SORCS2: variants seen among roughly 807,000 people sequenced by gnomAD.
SORCS2 encodes VPS10 domain-containing receptor SorCS2.
Under a neutral mutation model 141.6 loss-of-function variants are expected in SORCS2, and 100 were observed. The ratio of observed to expected loss-of-function variants is 0.71; its 90% confidence interval spans 0.60 to 0.83. SORCS2 has a LOEUF of 0.83. Ranked by LOEUF, SORCS2 falls within the 40% of genes least tolerant of loss-of-function variation. The pLI, the probability that SORCS2 is intolerant of heterozygous loss-of-function variation, is 0.00. For synonymous variants in SORCS2, 789 were observed against 676.9 expected, an observed-to-expected ratio of 1.17 and a Z score of -2.57; for missense variants, 1,646 against 1,560.2, an observed-to-expected ratio of 1.05 and a Z score of -0.93.
At chr4:7,656,878 C>G (rs1463990439) in intron 5 of SORCS2, among the ~76,000 whole-genome samples, 1 of 152,224 alleles carries the variant, frequency 6.6e-6, no homozygotes, top group African/African-American at 2.4e-5. Context: ...GAGCTGCCCT[C>G]AGCACAAATG....
intron 26 of SORCS2, among the ~76,000 whole-genome samples, chr4:7,737,809 C>G (rs558741175): frequency 6.6e-6 from 1 of 152,330 alleles, no homozygotes; most frequent in Admixed American, 6.5e-5. Flanking sequence ...TGCTCGCTGT[C>G]AGGGTCTCTC....
At chr4:7,384,383 G>C (rs2109076769) in intron 1 of SORCS2, among the ~76,000 whole-genome samples, 1 of 152,294 alleles carries the variant, frequency 6.6e-6, no homozygotes, top group African/African-American at 2.4e-5. Context: ...ACGAGAAGTG[G>C]CAGGTTTTCT....
At chr4:7,632,630 G>T (rs1343099820) in intron 3 of SORCS2, among the ~76,000 whole-genome samples, 2 of 152,208 alleles carry the variant, frequency 1.3e-5, no homozygotes, top group Non-Finnish European at 2.9e-5. Context: ...AGGGCCTAAT[G>T]GAGGGTGCGG....
intron 14 of SORCS2, among the ~76,000 whole-genome samples, chr4:7,712,110 G>A (rs1725858555): frequency 6.6e-6 from 1 of 152,118 alleles, no homozygotes; most frequent in Admixed American, 6.5e-5. Context: ...TCCCTATTCT[G>A]TCTTCCGCCT....
At chr4:7,426,634 G>A (rs142512509) in intron 2 of SORCS2, among the ~76,000 whole-genome samples, 26 of 152,236 alleles carry the variant, frequency 1.7e-4, no homozygotes, top group African/African-American at 5.8e-4. Context: ...TGGGTGTCTT[G>A]TGTGTGCCGG....
intron 14 of SORCS2, among the ~76,000 whole-genome samples, chr4:7,711,677 A>G (rs988599797): frequency 6.6e-6 from 1 of 152,260 alleles, no homozygotes; most frequent in African/African-American, 2.4e-5. Flanking sequence ...ATGGGCACAC[A>G]GCAATGACTG....
chr4:7,348,381 C>A (rs756191336), intron 1 of SORCS2, among the ~76,000 whole-genome samples: 1 of 152,172 alleles, frequency 6.6e-6, no homozygotes, highest in Non-Finnish European at 1.5e-5. Context: ...TGTCGGACAC[C>A]GCTCTTAGAG....
chr4:7,308,046 T>G (rs1440074624), intron 1 of SORCS2, among the ~76,000 whole-genome samples: 1 of 152,138 alleles, frequency 6.6e-6, no homozygotes, highest in African/African-American at 2.4e-5. Flanking sequence ...AGGCCATCTT[T>G]GGCTCCCTAT....
At chr4:7,691,742 C>A (rs4689825) in intron 11 of SORCS2, among the ~76,000 whole-genome samples, 47,736 of 151,910 alleles carry the variant, frequency 0.31, 7,539 homozygotes, top group South Asian at 0.46. Flanking sequence ...GTTTCCCGGG[C>A]TCCTCAATGA....
intron 2 of SORCS2, among the ~76,000 whole-genome samples, chr4:7,450,544 C>T (rs1234189553): frequency 6.6e-6 from 1 of 152,242 alleles, no homozygotes; most frequent in Non-Finnish European, 1.5e-5. Flanking sequence ...GCAGGACTCA[C>T]CACAGCTGTA....
At chr4:7,682,644 T>A in intron 9 of SORCS2, 99 bp from the exon 10 acceptor site, 1 of 1,200,626 alleles carries the variant, frequency 8.3e-7, no homozygotes, top group Admixed American at 2.4e-5. Context: ...TGAGGCCACA[T>A]GTGCAGAGCA....
intron 3 of SORCS2, among the ~76,000 whole-genome samples, chr4:7,597,542 G>A (rs1717359117): frequency 6.6e-6 from 1 of 150,756 alleles, no homozygotes; most frequent in African/African-American, 2.4e-5. Flanking sequence ...GGGGGCTATT[G>A]CAATAGGGAA....
At chr4:7,673,425 C>G (rs796782129) in intron 8 of SORCS2, among the ~76,000 whole-genome samples, 4 of 152,318 alleles carry the variant, frequency 2.6e-5, no homozygotes, top group African/African-American at 9.6e-5. Flanking sequence ...AGGGAAGCAG[C>G]TCAGTGGAAT....
At chr4:7,595,769 G>T (rs929508567) in intron 3 of SORCS2, among the ~76,000 whole-genome samples, 3 of 152,178 alleles carry the variant, frequency 2.0e-5, no homozygotes, top group Admixed American at 6.5e-5. Flanking sequence ...CAACCTGGAT[G>T]GGTAGGGACA....
At chr4:7,613,147 G>A (rs1435394430) in intron 3 of SORCS2, among the ~76,000 whole-genome samples, 2 of 152,276 alleles carry the variant, frequency 1.3e-5, no homozygotes, top group Non-Finnish European at 2.9e-5. Flanking sequence ...TCCAGGCAGA[G>A]GGAGCATTTG....
chr4:7,475,446 G>T (rs982274911), intron 2 of SORCS2, among the ~76,000 whole-genome samples: 1 of 152,146 alleles, frequency 6.6e-6, no homozygotes, highest in South Asian at 2.1e-4. Context: ...CCGGCCCCCC[G>T]AGGGCCTGAG....
chr4:7,457,020 G>A (rs746977614), intron 2 of SORCS2, among the ~76,000 whole-genome samples: 3 of 152,146 alleles, frequency 2.0e-5, no homozygotes, highest in Non-Finnish European at 2.9e-5. Context: ...ACTGGGCATG[G>A]TGCTGGCAGA....
chr4:7,311,905 C>G (rs1337271842), intron 1 of SORCS2, among the ~76,000 whole-genome samples: 2 of 151,910 alleles, frequency 1.3e-5, no homozygotes, highest in Non-Finnish European at 2.9e-5. Flanking sequence ...GAGACGGAGC[C>G]TCACTCTGTT....
At chr4:7,631,721 G>A (rs965469235) in intron 3 of SORCS2, among the ~76,000 whole-genome samples, 18 of 152,138 alleles carry the variant, frequency 1.2e-4, no homozygotes, top group Admixed American at 6.5e-4. Context: ...GAGTCAGTCA[G>A]TCCCCTCCAG....
Sources: gnomAD v4.1 joint callset for allele counts (sites outside exome capture counted in the v4.1 genomes callset) on GRCh38, gnomAD v4.1.1 for gene constraint, MANE v1.5 for transcripts, NCBI Gene and HGNC (gene_info 2026-07-23, HGNC 2026-07-21) for gene names.